The following DCAF4 variants were observed in gnomAD, a reference collection of about 807,000 sequenced individuals.
DCAF4 encodes DDB1 and CUL4 associated factor 4, also known as DDB1- and CUL4-associated factor 4.
DCAF4 carries 37 observed loss-of-function variants against 60.9 expected under a neutral mutation model. The ratio of observed to expected loss-of-function variants is 0.61; its 90% CI spans 0.47 to 0.80. DCAF4 has a LOEUF of 0.80. DCAF4 is among the 30% of genes least tolerant of loss of function. The pLI is 0.00. For synonymous variants in DCAF4, 243 were observed against 254.8 expected (o/e 0.95, Z 0.44); for missense variants, 577 against 650.0 (o/e 0.89, Z 1.22).
intron 1 of DCAF4, among the ~76,000 whole-genome samples, chr14:72,936,096 A>G (rs1318668397): frequency 6.6e-6 from 1 of 152,054 alleles, no homozygotes; most frequent in African/African-American, 2.4e-5. Context: ...CCATTTTCCT[A>G]CCAGTCTTAA....
intron 1 of DCAF4, chr14:72,926,921 A>C (rs1379471397): frequency 6.6e-6 from 1 of 152,440 alleles, no homozygotes; most frequent in Non-Finnish European, 1.5e-5. Flanking sequence ...GTCCCCTGTG[A>C]ATGTTCAGGT....
rs1231354897 is a variant in DCAF4, at chr14:72,938,175, C to T, written c.92+105C>T. ...GTGTGGAGATCACCTGGGGGCTCGT[C>T]CCAATGCAGGTTCTGATTCTGTAGG... On this transcript the variant is annotated intron_variant, in intron 2 of 13. Transcript: ENST00000358377. 2.8e-6 allele frequency: 4 copies of T among 1,421,170 alleles called. No homozygotes were observed. The Admixed American group carries it at 1.0e-4, about 36-fold the overall frequency. The allele number at this position is 1,421,170 out of a possible 1,614,324, so 88.0% of individuals were successfully genotyped here. A position where few individuals can be genotyped will look rare whatever the true frequency, so the allele number is the denominator to read the frequency against.
chr14:72,935,548 T>G (rs1889154977), intron 1 of DCAF4, among the ~76,000 whole-genome samples: 1 of 152,144 alleles, frequency 6.6e-6, no homozygotes, highest in Non-Finnish European at 1.5e-5. Flanking sequence ...AGCCACCACA[T>G]CCGGCCTTTA....
At chr14:72,951,658 G>A (rs1891433264) in intron 8 of DCAF4, 140 bp from the exon 9 acceptor site, 4 of 722,698 alleles carry the variant, frequency 5.5e-6, no homozygotes, top group Non-Finnish European at 9.7e-6. Flanking sequence ...AATGTGGGCA[G>A]TGTAAACGCA....
At chr14:72,941,875 T>C in intron 5 of DCAF4, 51 bp downstream of exon 5, 1 of 1,580,534 alleles carries the variant, frequency 6.3e-7, no homozygotes, top group Non-Finnish European at 8.7e-7. Flanking sequence ...TCTTTTCCTG[T>C]TTCTTATTTT....
chr14:72,927,340 GTTCTTT>G (rs1887715475), intron 1 of DCAF4, among the ~76,000 whole-genome samples: 1 of 119,090 alleles, frequency 8.4e-6, no homozygotes. Flanking sequence ...TCGCGGTGGT[GTTCTTT>G]TTTTTTTTTT....
rs554056015 is a variant in DCAF4 at position 72,939,854 on chromosome 14, G to A, written c.145G>A (p.Glu49Lys). ...PAHDSGHGDDESPSTSSGTAG... is the reference protein window; with the variant it reads ...PAHDSGHGDDKSPSTSSGTAG... ...TCACGATTCCGGCCACGGTGATGACGAGTCTCCGTCAACCTCGTCTGGCAC... is the reference window on the plus strand; with the variant it reads ...TCACGATTCCGGCCACGGTGATGACAAGTCTCCGTCAACCTCGTCTGGCAC... Residue 49 changes from glutamate to lysine, a missense_variant, in exon 3 of 14, where the codon GAG becomes AAG. Transcript: ENST00000358377. The A allele has an allele frequency of 2.7e-5, 43 of 1,612,856 alleles. No individual in the cohort carries two copies. Among genetic ancestry groups the A allele is most frequent in the East Asian group, 2.2e-4 (10 of 44,788 alleles).
At chr14:72,937,877 C>T in intron 1 of DCAF4, 94 bp from the exon 2 acceptor site, 1 of 1,434,272 alleles carries the variant, frequency 7.0e-7, no homozygotes, top group Non-Finnish European at 9.1e-7. Flanking sequence ...CAGCCTTTTG[C>T]TGGTGCTGAG....
intron 2 of DCAF4, among the ~76,000 whole-genome samples, chr14:72,938,725 GT>G (rs1334739738): frequency 3.9e-5 from 6 of 152,192 alleles, no homozygotes; most frequent in South Asian, 4.1e-4. Flanking sequence ...AAAAGATACA[GT>G]AAAAATAGGG....
chr14:72,942,756 A>G, intron 5 of DCAF4: 1 of 507,142 alleles, frequency 2.0e-6, no homozygotes, highest in Non-Finnish European at 3.6e-6. Context: ...TCTAACTCCC[A>G]CTCTTTGACT....
chr14:72,945,241 A>G (rs912043823), intron 6 of DCAF4, among the ~76,000 whole-genome samples: 1 of 151,772 alleles, frequency 6.6e-6, no homozygotes, highest in Non-Finnish European at 1.5e-5. Context: ...AAAAAATATA[A>G]AAGTAGCCAG....
At chr14:72,953,758 T>TAA (rs1891839711) in intron 9 of DCAF4, among the ~76,000 whole-genome samples, 1 of 63,306 alleles carries the variant, frequency 1.6e-5, no homozygotes, top group African/African-American at 5.0e-5. Flanking sequence ...TATATATATA[T>TAA]ATATAGTTTA....
chr14:72,929,689 T>C (rs985137747), intron 1 of DCAF4: 9 of 1,312,672 alleles, frequency 6.9e-6, no homozygotes, highest in Admixed American at 1.8e-5. Context: ...TTGGCACGGA[T>C]GTGCGTCCCC....
chr14:72,949,505 A>G (rs549363568), intron 8 of DCAF4, among the ~76,000 whole-genome samples: 1 of 152,234 alleles, frequency 6.6e-6, no homozygotes, highest in African/African-American at 2.4e-5. Context: ...CCATAATCCC[A>G]GCACTTTGGG....
chr14:72,954,558 C>T (rs201510695), intron 11 of DCAF4, 75 bp downstream of exon 11: 1 of 1,287,802 alleles, frequency 7.8e-7, no homozygotes, highest in Non-Finnish European at 1.1e-6. Context: ...AATTGGACTC[C>T]TCTGTGTGCC....
chr14:72,939,770 G>A, intron 2 of DCAF4, 32 bp from the exon 3 acceptor site: 4 of 1,580,872 alleles, frequency 2.5e-6, no homozygotes, highest in Non-Finnish European at 3.4e-6. Flanking sequence ...TCAAGTCCTG[G>A]GCTGCAAGTT....
chr14:72,953,635 G>A (rs941566461), intron 9 of DCAF4, among the ~76,000 whole-genome samples: 1 of 144,558 alleles, frequency 6.9e-6, no homozygotes, highest in Non-Finnish European at 1.5e-5. Context: ...CCTTGAGCCT[G>A]GGAGGTTGAG....
At position 72,947,241 on chromosome 14, in the gene DCAF4, T is replaced by C. The variant is rs368075846; in HGVS notation, c.728+50T>C. ...TTGGTGGGCAGGCCACACCCTGACG[T>C]TGGACCTGGGTATCTGTGGGCTTCA... On this transcript the variant is annotated intron_variant, in intron 8 of 13. Transcript: ENST00000358377. The C allele has an allele frequency of 7.3e-5, 117 of 1,606,332 alleles. No individual in the cohort carries two copies. The Admixed American group carries it at 1.9e-3, about 26-fold the overall frequency.
intron 1 of DCAF4, among the ~76,000 whole-genome samples, chr14:72,927,404 T>A: frequency 7.4e-6 from 1 of 135,368 alleles, no homozygotes; most frequent in Non-Finnish European, 1.5e-5. Context: ...CAGGCTGGAG[T>A]GCAGTGGCAC....
Sources: allele counts gnomAD v4.1 joint callset (sites outside exome capture counted in the v4.1 genomes callset), GRCh38; gene constraint gnomAD v4.1.1; transcripts MANE v1.5; gene names NCBI Gene and HGNC (gene_info 2026-07-23, HGNC 2026-07-21).